The following SDK1 variants were observed in gnomAD, a reference collection of about 807,000 sequenced individuals.
SDK1 encodes the protein protein sidekick-1.
In SDK1, 157 loss-of-function variants were observed where a neutral mutation model predicts 245.5. The observed-to-expected ratio is 0.64, with a 90% CI of 0.56 to 0.73. The LOEUF is 0.73. SDK1 is among the 30% of genes least tolerant of loss of function. The pLI is 0.00. For synonymous variants in SDK1, 1,647 were observed against 1,278.5 expected, an observed-to-expected ratio of 1.29 and a Z score of -6.15; for missense variants, 3,583 against 3,002.3, an observed-to-expected ratio of 1.19 and a Z score of -4.52.
intron 1 of SDK1, among the ~76,000 whole-genome samples, chr7:3,324,093 A>C (rs1034336093): frequency 2.6e-5 from 4 of 152,154 alleles, no homozygotes; most frequent in Admixed American, 6.5e-5. Flanking sequence ...AAAATCTGGT[A>C]TCTATTCTAG....
chr7:3,432,639 T>C (rs1779890092), intron 1 of SDK1, among the ~76,000 whole-genome samples: 1 of 152,172 alleles, frequency 6.6e-6, no homozygotes, highest in South Asian at 2.1e-4. Context: ...AAGGTAATAC[T>C]TGAATTTTAA....
In SDK1 at chr7:3,671,777, GA is replaced by G. The variant is rs1158082581; in HGVS notation, c.713+29675del. Among the ~76,000 whole-genome samples the G allele has an allele frequency of 2.6e-5, 4 of 152,188 alleles. No homozygotes were observed. In the South Asian group the frequency reaches 6.2e-4, roughly 24 times the overall value. On this transcript the variant is annotated intron_variant, in intron 4 of 44. Transcript: ENST00000404826. ...GTGAGTTTTATAATGAGATTAAAAA[GA>G]AATTAAGAGCAGGAAGTGAAATTAT...
intron 4 of SDK1, among the ~76,000 whole-genome samples, chr7:3,791,604 C>T (rs899776388): frequency 6.6e-6 from 1 of 152,126 alleles, no homozygotes; most frequent in African/African-American, 2.4e-5. Flanking sequence ...TGGGATGGTA[C>T]CACTTGCTCC....
chr7:3,975,965 T>C (rs866796803), intron 13 of SDK1, among the ~76,000 whole-genome samples: 1,555 of 113,510 alleles, frequency 0.014, 16 homozygotes, highest in East Asian at 0.023. Context: ...ACGCAGAGGG[T>C]CCTCCAGAGA....
intron 5 of SDK1, among the ~76,000 whole-genome samples, chr7:3,872,443 A>C (rs1780980442): frequency 6.6e-6 from 1 of 152,122 alleles, no homozygotes; most frequent in Admixed American, 6.5e-5. Context: ...TTCACTATAA[A>C]TACAATTTTG....
chr7:3,714,535 A>C (rs1024903171), intron 4 of SDK1, among the ~76,000 whole-genome samples: 1 of 152,162 alleles, frequency 6.6e-6, no homozygotes, highest in Non-Finnish European at 1.5e-5. Flanking sequence ...AGTGCTTTGC[A>C]TTTTGTTACA....
intron 1 of SDK1, among the ~76,000 whole-genome samples, chr7:3,502,024 T>C (rs1312153581): frequency 6.6e-6 from 1 of 152,130 alleles, no homozygotes; most frequent in South Asian, 2.1e-4. Flanking sequence ...TTAACAAAAA[T>C]TCCAATTACA....
intron 44 of SDK1, among the ~76,000 whole-genome samples, chr7:4,247,784 C>T (rs1786991704): frequency 6.6e-6 from 1 of 152,172 alleles, no homozygotes; most frequent in African/African-American, 2.4e-5. Flanking sequence ...TGGGGCCAGT[C>T]TCCTTATTGG....
At chr7:3,775,262 G>T (rs1231695453) in intron 4 of SDK1, among the ~76,000 whole-genome samples, 1 of 152,054 alleles carries the variant, frequency 6.6e-6, no homozygotes, top group Non-Finnish European at 1.5e-5. Flanking sequence ...TGGCCCTCTT[G>T]GTTTCTATTA....
At chr7:3,901,764 A>G (rs1423730908) in intron 5 of SDK1, among the ~76,000 whole-genome samples, 2 of 152,042 alleles carry the variant, frequency 1.3e-5, no homozygotes, top group East Asian at 3.9e-4. Context: ...AACTTCTACC[A>G]TCCTTTGTGT....
At chr7:4,079,300 G>A (rs1263862255) in intron 21 of SDK1, among the ~76,000 whole-genome samples, 163 bp from the exon 22 acceptor site, 2 of 152,204 alleles carry the variant, frequency 1.3e-5, no homozygotes, top group Non-Finnish European at 2.9e-5. Flanking sequence ...TCATGCCCCT[G>A]GGGAAGCTGT....
intron 5 of SDK1, among the ~76,000 whole-genome samples, chr7:3,883,812 T>G (rs925201555): frequency 6.6e-6 from 1 of 150,848 alleles, no homozygotes; most frequent in African/African-American, 2.4e-5. Flanking sequence ...AGTCTCATCA[T>G]TTTGGCCTAA....
At chr7:3,501,638 G>C (rs376877505) in intron 1 of SDK1, among the ~76,000 whole-genome samples, 1 of 152,090 alleles carries the variant, frequency 6.6e-6, no homozygotes, top group African/African-American at 2.4e-5. Flanking sequence ...CATTTCATTT[G>C]ATCCACTGTG....
intron 1 of SDK1, among the ~76,000 whole-genome samples, chr7:3,485,657 T>C (rs945449845): frequency 7.2e-6 from 1 of 139,780 alleles, no homozygotes; most frequent in African/African-American, 2.6e-5. Context: ...TTTTGATGTT[T>C]GTGCTGAGGG....
At chr7:3,497,939 A>G (rs1782076002) in intron 1 of SDK1, among the ~76,000 whole-genome samples, 1 of 152,176 alleles carries the variant, frequency 6.6e-6, no homozygotes, top group South Asian at 2.1e-4. Context: ...CTTTTTCCAA[A>G]GTTTCCCAGT....
In SDK1 at chr7:3,696,016, C is replaced by T. The variant is rs189748276; in HGVS notation, c.713+53911C>T. 4.2e-3 allele frequency among the ~76,000 whole-genome samples: 635 copies of T among 152,250 alleles called. 6 individuals carry two copies. The highest frequency in any genetic ancestry group is 0.015 in the African/African-American group (606 of 41,540). On this transcript the variant is annotated intron_variant, in intron 4 of 44. Coordinates refer to ENST00000404826, the MANE Select transcript of SDK1 (RefSeq NM_152744.4). ...TCCTCCCACCGTTCTTCCCTGTTTCCTCCTTCGTTCCTCTCAGCCTCTTCT... is the reference window on the plus strand; with the variant it reads ...TCCTCCCACCGTTCTTCCCTGTTTCTTCCTTCGTTCCTCTCAGCCTCTTCT...
At chr7:3,398,782 T>C (rs1209483072) in intron 1 of SDK1, among the ~76,000 whole-genome samples, 1 of 151,340 alleles carries the variant, frequency 6.6e-6, no homozygotes, top group Non-Finnish European at 1.5e-5. Flanking sequence ...TTTTTTTTTT[T>C]TTTCCTCAAG....
At chr7:4,253,897 C>T (rs1401641109) in intron 44 of SDK1, among the ~76,000 whole-genome samples, 1 of 152,102 alleles carries the variant, frequency 6.6e-6, no homozygotes, top group Non-Finnish European at 1.5e-5. Flanking sequence ...TCTTTATTCC[C>T]TATTTTCCAC....
chr7:3,564,331 G>A (rs899340387), intron 1 of SDK1, among the ~76,000 whole-genome samples: 2 of 151,884 alleles, frequency 1.3e-5, no homozygotes, highest in Admixed American at 6.6e-5. Flanking sequence ...GAAAAGAGAA[G>A]CTAAAAATAA....
Sources: gnomAD v4.1 joint callset for allele counts (sites outside exome capture counted in the v4.1 genomes callset) on GRCh38, gnomAD v4.1.1 for gene constraint, MANE v1.5 for transcripts, NCBI Gene and HGNC (gene_info 2026-07-23, HGNC 2026-07-21) for gene names.